The following HPGDS variants were observed in gnomAD, a reference collection of about 807,000 sequenced individuals.
HPGDS encodes hematopoietic prostaglandin D synthase, also known as GST class-sigma.
A neutral mutation model predicts 23.1 loss-of-function variants in HPGDS; 26 were observed. The ratio of observed to expected loss-of-function variants is 1.13; its 90% CI spans 0.83 to 1.56. The LOEUF (loss-of-function observed/expected upper bound fraction) is 1.56, where lower values mean the gene tolerates loss of function less well. HPGDS is among the 40% of genes most tolerant of loss of function. The pLI, the probability that HPGDS is intolerant of heterozygous loss-of-function variation, is 0.00. For synonymous variants in HPGDS, 95 were observed against 77.9 expected (o/e 1.22, Z -1.16); for missense variants, 268 against 236.4 (o/e 1.13, Z -0.88).
At chr4:94,323,775 T>C (rs534223136) in intron 2 of HPGDS, among the ~76,000 whole-genome samples, 1 of 152,314 alleles carries the variant, frequency 6.6e-6, no homozygotes, top group African/African-American at 2.4e-5. Flanking sequence ...TTAAGGTTAA[T>C]ATTGTTATGT....
chr4:94,306,487 G>A (rs910133053), intron 4 of HPGDS, among the ~76,000 whole-genome samples: 5 of 152,066 alleles, frequency 3.3e-5, no homozygotes, highest in African/African-American at 1.2e-4. Context: ...TGAAGGGAAA[G>A]CCAAGAACCA....
chr4:94,322,034 G>A (rs915738575), intron 2 of HPGDS, among the ~76,000 whole-genome samples: 4 of 152,228 alleles, frequency 2.6e-5, no homozygotes, highest in Admixed American at 6.5e-5. Flanking sequence ...TGTGGTTTTT[G>A]TCTTTGGTTC....
chr4:94,322,495 G>T (rs139597163), intron 2 of HPGDS, among the ~76,000 whole-genome samples: 170 of 152,270 alleles, frequency 1.1e-3, no homozygotes, highest in Non-Finnish European at 1.7e-3. Context: ...TTTGGGGAAG[G>T]TGTATGTGTC....
At chr4:94,339,881 G>A (rs573139520) in intron 1 of HPGDS, among the ~76,000 whole-genome samples, 32 of 152,172 alleles carry the variant, frequency 2.1e-4, no homozygotes, top group African/African-American at 7.2e-4. Context: ...CACGAGATCT[G>A]ATCATTTTAT....
rs138387876 is a variant in HPGDS at position 94,302,226 on chromosome 4, G to A, written c.355C>T (p.Leu119=). The change falls in exon 5 of 6, where the codon CTG becomes TTG. Residue 119 remains leucine, a synonymous_variant. Transcript: ENST00000295256. ...AGATGAGGCGCATTATACGTGAGCA[G>A]CTCATTGAACATCTGCTCCTAGGAG... ...QDVKEQMFNE[L]LTYNAPHLMQ... The A allele has an allele frequency of 6.4e-5, 103 of 1,610,996 alleles. No homozygotes were observed. The African/African-American group carries it at 1.3e-3, about 20-fold the overall frequency.
At chr4:94,326,500 T>G (rs1489559227) in intron 2 of HPGDS, among the ~76,000 whole-genome samples, 1 of 152,158 alleles carries the variant, frequency 6.6e-6, no homozygotes, top group Non-Finnish European at 1.5e-5. Context: ...CTATTGAAGC[T>G]CTAGTTGTAT....
At chr4:94,320,256 T>C (rs1756475965) in intron 2 of HPGDS, among the ~76,000 whole-genome samples, 1 of 152,222 alleles carries the variant, frequency 6.6e-6, no homozygotes, top group Non-Finnish European at 1.5e-5. Context: ...GCATGATTTA[T>C]AATCCTTTGG....
chr4:94,308,670 T>C lies in HPGDS; in HGVS notation c.300A>G (p.Ser100=), dbSNP rs1756186924. The C allele has an allele frequency of 1.2e-6, 2 of 1,608,152 alleles. No individual in the cohort carries two copies. Among genetic ancestry groups the C allele is most frequent in the African/African-American group, 1.3e-5 (1 of 74,754 alleles). ...AIVDTLDDFM[S]CFPWAEKKQD... ...GCTTTTTCTCTGCCCAAGGAAAACATGACATGAAATCATCCAGAGTGTCCA... is the reference window on the plus strand; with the variant it reads ...GCTTTTTCTCTGCCCAAGGAAAACACGACATGAAATCATCCAGAGTGTCCA... Residue 100 remains serine (S), a synonymous_variant, in exon 4 of 6, where the codon TCA becomes TCG. Coordinates refer to ENST00000295256, the MANE Select transcript of HPGDS (RefSeq NM_014485.3).
At chr4:94,337,275 G>A (rs1446352685) in intron 1 of HPGDS, among the ~76,000 whole-genome samples, 1 of 151,906 alleles carries the variant, frequency 6.6e-6, no homozygotes, top group African/African-American at 2.4e-5. Context: ...CCAGCCTGCA[G>A]CTTCTATTTG....
At position 94,337,251 on chromosome 4, in the gene HPGDS, G is replaced by A. The variant is rs540956642; in HGVS notation, c.-9-2613C>T. Among the ~76,000 whole-genome samples the A allele has an allele frequency of 3.3e-5, 5 of 152,200 alleles. No homozygotes were observed. In the East Asian group the frequency reaches 7.7e-4, roughly 24 times the overall value. Reference sequence around the variant, plus strand: ...CTCCCAAAGTGCTGGGATTACAGGCGTGAGCCACTGTGCCCAGCCTGCAGC... The same window carrying A: ...CTCCCAAAGTGCTGGGATTACAGGCATGAGCCACTGTGCCCAGCCTGCAGC... On this transcript the variant is annotated intron_variant, in intron 1 of 5. Transcript: ENST00000295256.
At chr4:94,309,641 A>T (rs1418935332) in intron 3 of HPGDS, among the ~76,000 whole-genome samples, 1 of 152,052 alleles carries the variant, frequency 6.6e-6, no homozygotes, top group Non-Finnish European at 1.5e-5. Flanking sequence ...TTGGGTATAT[A>T]CCCACTAATG....
At chr4:94,340,295 TTCTTTCTTTCTTTCTC>T (rs1560597917) in intron 1 of HPGDS, among the ~76,000 whole-genome samples, 38 of 78,652 alleles carry the variant, frequency 4.8e-4, no homozygotes, top group African/African-American at 1.7e-3. Context: ...CTTTCTTTCT[TTCTTTCTTTCTTTCTC>T]TTTTTTTTTT....
chr4:94,313,739 A>G (rs928888990), intron 3 of HPGDS, among the ~76,000 whole-genome samples: 4 of 152,180 alleles, frequency 2.6e-5, no homozygotes, highest in African/African-American at 9.7e-5. Flanking sequence ...GTGTTTTCCA[A>G]CTTGGTTCCA....
At chr4:94,308,803 T>G in intron 3 of HPGDS, 60 bp from the exon 4 acceptor site, 1 of 886,816 alleles carries the variant, frequency 1.1e-6, no homozygotes, top group Non-Finnish European at 1.9e-6. Flanking sequence ...AAGTTTGTTT[T>G]TAACAGATAG....
At chr4:94,306,744 T>A (rs1348990343) in intron 4 of HPGDS, among the ~76,000 whole-genome samples, 1 of 151,992 alleles carries the variant, frequency 6.6e-6, no homozygotes, top group Non-Finnish European at 1.5e-5. Context: ...ACTCAAGGAC[T>A]GATGAGAAAT....
chr4:94,321,718 AT>A (rs1159375567), intron 2 of HPGDS, among the ~76,000 whole-genome samples: 1 of 152,196 alleles, frequency 6.6e-6, no homozygotes, highest in African/African-American at 2.4e-5. Context: ...AACAGGGACA[AT>A]TTGACTTCCT....
At chr4:94,313,925 C>T (rs996035800) in intron 3 of HPGDS, among the ~76,000 whole-genome samples, 2 of 152,192 alleles carry the variant, frequency 1.3e-5, no homozygotes, top group Non-Finnish European at 2.9e-5. Flanking sequence ...TCCAGTTGAT[C>T]AAACCAGCTA....
chr4:94,318,649 T>C (rs1337211247), intron 2 of HPGDS, among the ~76,000 whole-genome samples: 2 of 152,206 alleles, frequency 1.3e-5, no homozygotes, highest in African/African-American at 4.8e-5. Flanking sequence ...AGATGTGTTT[T>C]GTGGCTTAAC....
At chr4:94,339,096 G>A (rs934315082) in intron 1 of HPGDS, among the ~76,000 whole-genome samples, 1 of 152,188 alleles carries the variant, frequency 6.6e-6, no homozygotes, top group African/African-American at 2.4e-5. Context: ...AGACTAAAAT[G>A]GTTCTGAGAC....
Sources: allele counts gnomAD v4.1 joint callset (sites outside exome capture counted in the v4.1 genomes callset), GRCh38; gene constraint gnomAD v4.1.1; transcripts MANE v1.5; gene names NCBI Gene and HGNC (gene_info 2026-07-23, HGNC 2026-07-21).